The following SRR variants were observed in gnomAD, a reference collection of about 807,000 sequenced individuals.
SRR encodes the protein D-serine ammonia-lyase.
SRR carries 19 observed loss-of-function variants against 32.7 expected under a neutral mutation model. The ratio of observed to expected loss-of-function variants is 0.58; its 90% CI spans 0.40 to 0.85. The LOEUF (loss-of-function observed/expected upper bound fraction) is 0.85, where lower values mean the gene tolerates loss of function less well. Among genes scored for constraint, SRR ranks in the 40% least tolerant of loss-of-function variants. The pLI is 0.00. For missense variants in SRR, 373 were observed against 404.7 expected (o/e 0.92, Z 0.67); for synonymous variants, 142 against 140.9 (o/e 1.01, Z -0.06).
chr17:2,306,053 C>T (rs2075387858), intron 1 of SRR, among the ~76,000 whole-genome samples: 1 of 148,582 alleles, frequency 6.7e-6, no homozygotes, highest in Non-Finnish European at 1.5e-5. Context: ...CGCGGTGGCT[C>T]ACGCCTGTAA....
chr17:2,319,924 T>C (rs1180229633), intron 4 of SRR, among the ~76,000 whole-genome samples: 1 of 151,132 alleles, frequency 6.6e-6, no homozygotes, highest in African/African-American at 2.4e-5. Flanking sequence ...GTTCCAGCGA[T>C]TCTCTTGCCT....
intron 1 of SRR, among the ~76,000 whole-genome samples, chr17:2,312,120 G>A (rs2075437564): frequency 6.6e-6 from 1 of 151,734 alleles, no homozygotes; most frequent in Non-Finnish European, 1.5e-5. Context: ...GGAGGCTGAG[G>A]CGGGAAGATC....
chr17:2,312,326 T>C (rs1002001711), intron 1 of SRR, among the ~76,000 whole-genome samples: 4 of 152,142 alleles, frequency 2.6e-5, no homozygotes, highest in African/African-American at 9.7e-5. Context: ...CCAGGCACAG[T>C]GGCTCACACC....
At chr17:2,320,314 G>A (rs1024578776) in intron 4 of SRR, among the ~76,000 whole-genome samples, 18 of 129,262 alleles carry the variant, frequency 1.4e-4, no homozygotes, top group Non-Finnish European at 2.5e-4. Flanking sequence ...GGAGTGCAGC[G>A]GCACAATCTC....
At chr17:2,303,435 CCAGG>C, upstream of SRR, 5 of 1,293,798 alleles carry the variant, frequency 3.9e-6, no homozygotes, top group Non-Finnish European at 4.9e-6. Flanking sequence ...CCGGAGCTGG[CCAGG>C]ACTGGCCGAG....
At chr17:2,311,917 T>G (rs1285955321) in intron 1 of SRR, among the ~76,000 whole-genome samples, 3 of 152,034 alleles carry the variant, frequency 2.0e-5, no homozygotes, top group Non-Finnish European at 2.9e-5. Flanking sequence ...CAGTAAATGG[T>G]GTGTTAAGAA....
At chr17:2,321,674 A>G in intron 6 of SRR, 58 bp downstream of exon 6, 1 of 1,487,630 alleles carries the variant, frequency 6.7e-7, no homozygotes, top group South Asian at 1.1e-5. Context: ...TACATCCTAA[A>G]TGTTCTGTAT....
chr17:2,324,330 AT>A lies in SRR; in HGVS notation c.*461del. On this transcript the variant is annotated 3_prime_UTR_variant, in exon 8 of 8. Transcript: ENST00000344595. The stretch of plus-strand genomic sequence containing the variant: ...AGGTTCATCAGTACTGTGTCTTGAG[AT>A]TTTAGCTTCCCATCAAAGCTGCATT... 6.4e-7 allele frequency: 1 copy of A among 1,564,982 alleles called. No individual in the cohort carries two copies. Among genetic ancestry groups the A allele is most frequent in the Non-Finnish European group, 8.6e-7 (1 of 1,159,118 alleles).
At chr17:2,307,031 CAA>C (rs373206016) in intron 1 of SRR, 21,328 of 1,379,894 alleles carry the variant, frequency 0.015, 240 homozygotes, top group Non-Finnish European at 0.019. Flanking sequence ...AGAGCTGTCT[CAA>C]GAGAAGATTC....
intron 1 of SRR, among the ~76,000 whole-genome samples, chr17:2,312,673 C>T (rs1329583403): frequency 1.3e-5 from 2 of 152,160 alleles, no homozygotes; most frequent in African/African-American, 4.8e-5. Flanking sequence ...AGGCATCATT[C>T]CATCAAAACT....
chr17:2,318,750 G>A lies in SRR; in HGVS notation c.296-76G>A. On this transcript the variant is annotated intron_variant, in intron 3 of 7. Coordinates refer to ENST00000344595, the MANE Select transcript of SRR (RefSeq NM_021947.3). ...CTCCCAAAGTGCTGGGATTACAGGTGTGACCCACCGTGCCTGGCCACATAA... is the reference window on the plus strand; with the variant it reads ...CTCCCAAAGTGCTGGGATTACAGGTATGACCCACCGTGCCTGGCCACATAA... The A allele has an allele frequency of 1.1e-5, 11 of 1,002,356 alleles. No individual in the cohort carries two copies. In the South Asian group the frequency reaches 1.3e-4, roughly 12 times the overall value. The allele number at this position is 1,002,356 out of a possible 1,614,324, so 62.1% of individuals were successfully genotyped here.
At chr17:2,323,378 C>A (rs755416056) in intron 7 of SRR, 33 bp downstream of exon 7, 3 of 1,611,348 alleles carry the variant, frequency 1.9e-6, no homozygotes, top group Admixed American at 1.7e-5. Flanking sequence ...AATAGCAAAG[C>A]ATGGTGTAAC....
rs1280813750 is a variant in SRR, at chr17:2,325,117, ACT to A, written c.*1245_*1246del. ...GCAGTTATTTGAGGACTGGCTATACACTGTTTCACGTAAAAGTTGGAGTTTTC... is the reference window on the plus strand; with the variant it reads ...GCAGTTATTTGAGGACTGGCTATACAGTTTCACGTAAAAGTTGGAGTTTTC... On this transcript the variant is annotated 3_prime_UTR_variant, in exon 8 of 8. Coordinates refer to ENST00000344595, the MANE Select transcript of SRR (RefSeq NM_021947.3). 1.7e-6 allele frequency: 1 copy of A among 603,134 alleles called. No homozygotes were observed. Among genetic ancestry groups the A allele is most frequent in the African/African-American group, 1.9e-5 (1 of 53,998 alleles). 37.4% of individuals were successfully genotyped at this position (603,134 alleles called of 1,614,324 possible).
rs2075555726 is a variant in SRR at position 2,323,808 on chromosome 17, A to C, written c.958A>C (p.Thr320Pro). 7 of 1,614,004 alleles carry C rather than the reference A, an allele frequency of 4.3e-6. No homozygotes were observed. The highest frequency in any genetic ancestry group is 5.9e-6 in the Non-Finnish European group (7 of 1,180,040). ...GCTCAGTGGTGGAAATGTAGACTTA[A>C]CCTCCTCCATAACTTGGGTGAAGCA... is the stretch of plus-strand genomic sequence containing the variant. Reference protein sequence around the residue: ...IVLSGGNVDLTSSITWVKQAE... With the variant: ...IVLSGGNVDLPSSITWVKQAE... Residue 320 changes from threonine to proline, a missense_variant, in exon 8 of 8, where the codon ACC becomes CCC. Physicochemically the swap from Thr to Pro is conservative, Grantham distance 38 (BLOSUM62 -1). Coordinates refer to ENST00000344595, the MANE Select transcript of SRR (RefSeq NM_021947.3).
intron 7 of SRR, 21 bp downstream of exon 7, chr17:2,323,366 G>A: frequency 6.2e-7 from 1 of 1,613,466 alleles, no homozygotes. Context: ...AGCAAGAAAA[G>A]AAATAGCAAA....
In SRR at chr17:2,315,586, T is replaced by C; in HGVS notation, c.26T>C (p.Phe9Ser). 2 of 1,614,058 alleles carry C rather than the reference T, an allele frequency of 1.2e-6. No individual in the cohort carries two copies. Among genetic ancestry groups the C allele is most frequent in the Non-Finnish European group, 1.7e-6 (2 of 1,179,996 alleles). The change falls in exon 2 of 8, where the codon TTT becomes TCT. Residue 9 changes from phenylalanine to serine, a missense_variant. Transcript: ENST00000344595. MCAQYCIS[F>S]ADVEKAHINI... is the part of the protein sequence containing the mutation. ...ATGTGTGCTCAGTATTGCATCTCCT[T>C]TGCTGATGTTGAAAAAGCTCATATC...
chr17:2,320,509 C>T (rs1283515269), intron 4 of SRR, among the ~76,000 whole-genome samples: 1 of 151,840 alleles, frequency 6.6e-6, no homozygotes, highest in Non-Finnish European at 1.5e-5. Flanking sequence ...CCGCCTTGGC[C>T]TCCCAAAGTG....
At position 2,315,569 on chromosome 17, in the gene SRR, T is replaced by C; in HGVS notation, c.9T>C (p.Ala3=). The C allele has an allele frequency of 1.9e-6, 3 of 1,613,114 alleles. No individual in the cohort carries two copies. The highest frequency in any genetic ancestry group is 2.5e-6 in the Non-Finnish European group (3 of 1,179,628). MC[A]QYCISFADVE... ...TCCTGGGTTTCAGAACCATGTGTGC[T>C]CAGTATTGCATCTCCTTTGCTGATG... Residue 3 remains alanine, a synonymous_variant, in exon 2 of 8, where the codon GCT becomes GCC. Coordinates refer to ENST00000344595, the MANE Select transcript of SRR (RefSeq NM_021947.3).
At chr17:2,303,871 G>T, upstream of SRR, 1 of 605,240 alleles carries the variant, frequency 1.7e-6, no homozygotes, top group Non-Finnish European at 2.7e-6. Context: ...TGGCCGCGCT[G>T]GGAGGAAAAG....
Sources: allele counts gnomAD v4.1 joint callset (sites outside exome capture counted in the v4.1 genomes callset), GRCh38; gene constraint gnomAD v4.1.1; transcripts MANE v1.5; gene names NCBI Gene and HGNC (gene_info 2026-07-23, HGNC 2026-07-21).